The following SLC16A9 variants were observed in gnomAD, a reference collection of about 807,000 sequenced individuals.
SLC16A9 encodes monocarboxylate transporter 9.
In SLC16A9, 26 loss-of-function variants were observed where a neutral mutation model predicts 44.3. The ratio of observed to expected loss-of-function variants is 0.59; its 90% CI spans 0.43 to 0.81. The LOEUF is 0.81. SLC16A9 is among the 40% of genes least tolerant of loss of function. The pLI is 0.00. For synonymous variants in SLC16A9, 230 were observed against 225.1 expected, an observed-to-expected ratio of 1.02 and a Z score of -0.19; for missense variants, 559 against 595.8, an observed-to-expected ratio of 0.94 and a Z score of 0.64.
rs896948541 is a variant in SLC16A9, at chr10:59,692,291, A to G, written c.-36-7964T>C. On this transcript the variant is annotated intron_variant, in intron 1 of 5. Transcript: ENST00000395348. ...GGTTCCATGACCTTCCTACAGTTAC[A>G]TTTATGACACTTTAAGGCTATAAAC... 1.2e-4 allele frequency among the ~76,000 whole-genome samples: 19 copies of G among 152,288 alleles called. No individual in the cohort carries two copies. In the East Asian group the frequency reaches 2.3e-3, roughly 19 times the overall value.
intron 4 of SLC16A9, among the ~76,000 whole-genome samples, chr10:59,655,014 G>A (rs1839317584): frequency 6.6e-6 from 1 of 152,196 alleles, no homozygotes; most frequent in Non-Finnish European, 1.5e-5. Context: ...ATCATCGGCT[G>A]GGTGTGGTGG....
chr10:59,702,425 A>G (rs1840545015), intron 1 of SLC16A9, among the ~76,000 whole-genome samples: 1 of 152,150 alleles, frequency 6.6e-6, no homozygotes, highest in Non-Finnish European at 1.5e-5. Context: ...GTGGGGGCTG[A>G]CTCATTACTG....
chr10:59,690,360 G>A (rs1840226206), intron 1 of SLC16A9, among the ~76,000 whole-genome samples: 1 of 152,172 alleles, frequency 6.6e-6, no homozygotes, highest in African/African-American at 2.4e-5. Flanking sequence ...ACATGGGAAG[G>A]TGTGTCCACG....
chr10:59,662,696 G>GA (rs1203785717), intron 4 of SLC16A9, among the ~76,000 whole-genome samples: 4 of 142,178 alleles, frequency 2.8e-5, no homozygotes, highest in South Asian at 2.3e-4. Flanking sequence ...ACAAACATAT[G>GA]AAAAAAAACT....
At chr10:59,700,929 G>A (rs76932066) in intron 1 of SLC16A9, among the ~76,000 whole-genome samples, 11,776 of 152,052 alleles carry the variant, frequency 0.077, 613 homozygotes, top group South Asian at 0.14. Flanking sequence ...TCTCTCTAAC[G>A]CCACCAAGTG....
intron 1 of SLC16A9, among the ~76,000 whole-genome samples, chr10:59,700,631 G>A (rs1459784584): frequency 6.6e-6 from 1 of 152,166 alleles, no homozygotes; most frequent in African/African-American, 2.4e-5. Flanking sequence ...TAACTATTTA[G>A]TAAGTGTTCA....
chr10:59,664,306 T>A lies in SLC16A9; in HGVS notation c.357A>T (p.Leu119Phe), dbSNP rs201411395. The A allele has an allele frequency of 1.2e-6, 2 of 1,610,796 alleles. No individual in the cohort carries two copies. Among genetic ancestry groups the A allele is most frequent in the Non-Finnish European group, 1.7e-6 (2 of 1,178,088 alleles). ...TAATGGTCACTGTTGCAGTGTATAA[T>A]AAACCACATCCAAGACCTAAGCATG... The part of the protein sequence containing the change: ...YGIVVGLGCG[L>F]LYTATVTITC... Residue 119 changes from leucine to phenylalanine, a missense_variant, in exon 4 of 6, where the codon TTA becomes TTT. Coordinates refer to ENST00000395348, the MANE Select transcript of SLC16A9 (RefSeq NM_194298.3).
chr10:59,652,856 G>A lies in SLC16A9; in HGVS notation c.1446C>T (p.Ala482=), dbSNP rs201663287. 3.0e-5 allele frequency: 49 copies of A among 1,614,078 alleles called. No homozygotes were observed. Among genetic ancestry groups the A allele is most frequent in the African/African-American group, 2.4e-4 (18 of 75,042 alleles). The change falls in exon 6 of 6, where the codon GCC becomes GCT. Residue 482 remains alanine, a synonymous_variant. Transcript: ENST00000395348. ...TGTTGCATGTATCCCAAGAGGGCAA[G>A]GCTGCCAGCAGCAGAATAAAACCTC... The part of the protein sequence containing the change: ...LLGGFILLLA[A]LPSWDTCNKQ...
At chr10:59,709,376 C>G (rs1785545342) in intron 1 of SLC16A9, 103 bp downstream of exon 1, 1 of 152,482 alleles carries the variant, frequency 6.6e-6, no homozygotes, top group Non-Finnish European at 1.5e-5. Context: ...CCACCGCCCC[C>G]TCCTACTGCT....
Position 59,654,419 on chromosome 10 carries a change from CT to C in SLC16A9, c.606del (p.Ile202MetfsTer24), listed in dbSNP as rs1185618975. On this transcript the variant is annotated frameshift_variant, in exon 5 of 6. Transcript: ENST00000395348. LOFTEE classifies it high-confidence loss of function. ...QSSDCPLPKKIAPEDLPDKYS... is the reference protein window; with the variant it reads ...QSSDCPLPKKXAPEDLPDKYS... The stretch of plus-strand genomic sequence containing the variant: ...TATTTATCTGGTAGATCTTCTGGAG[CT>C]ATTTTTTTAGGCAAAGGACAATCAG... 6.2e-7 allele frequency: 1 copy of C among 1,613,628 alleles called. No individual in the cohort carries two copies. The highest frequency in any genetic ancestry group is 1.7e-5 in the Admixed American group (1 of 60,014).
At chr10:59,694,896 T>C (rs1840339464) in intron 1 of SLC16A9, among the ~76,000 whole-genome samples, 1 of 149,494 alleles carries the variant, frequency 6.7e-6, no homozygotes, top group Admixed American at 6.7e-5. Flanking sequence ...CATATATAGA[T>C]AATGGATCCA....
chr10:59,676,574 G>C (rs530777748), intron 2 of SLC16A9, among the ~76,000 whole-genome samples: 3 of 152,088 alleles, frequency 2.0e-5, no homozygotes, highest in Non-Finnish European at 2.9e-5. Context: ...GGGAAAAAAG[G>C]GGGGGAAAAA....
Position 59,696,275 on chromosome 10 carries a change from C to T in SLC16A9, c.-36-11948G>A, listed in dbSNP as rs551592128. On this transcript the variant is annotated intron_variant, in intron 1 of 5. Coordinates refer to ENST00000395348, the MANE Select transcript of SLC16A9 (RefSeq NM_194298.3). ...CGGGCCCCCACGCCTGACTGGTTTT[C>T]GTATTTTTTTGGTGGAGAGGGGGTT... 4.2e-4 allele frequency among the ~76,000 whole-genome samples: 64 copies of T among 152,330 alleles called. 1 individual carries two copies. In the South Asian group the frequency reaches 7.0e-3, roughly 17 times the overall value.
At chr10:59,707,389 C>G (rs1287910233) in intron 1 of SLC16A9, among the ~76,000 whole-genome samples, 1 of 149,822 alleles carries the variant, frequency 6.7e-6, no homozygotes, top group Non-Finnish European at 1.5e-5. Flanking sequence ...AATTGTTGAA[C>G]TCAGAGAATA....
At chr10:59,673,970 A>T (rs529728434) in intron 2 of SLC16A9, among the ~76,000 whole-genome samples, 1 of 152,370 alleles carries the variant, frequency 6.6e-6, no homozygotes, top group South Asian at 2.1e-4. Context: ...TACAGAAACA[A>T]GCAAAACTAA....
intron 2 of SLC16A9, among the ~76,000 whole-genome samples, chr10:59,675,538 A>G (rs1839839151): frequency 6.6e-6 from 1 of 152,190 alleles, no homozygotes; most frequent in Admixed American, 6.5e-5. Flanking sequence ...CTCCCAGTAG[A>G]CAGAAAACAC....
At chr10:59,683,326 T>G (rs1840063779) in intron 2 of SLC16A9, among the ~76,000 whole-genome samples, 1 of 152,194 alleles carries the variant, frequency 6.6e-6, no homozygotes, top group South Asian at 2.1e-4. Context: ...GAAGTTCAAG[T>G]GGCATATGAT....
intron 1 of SLC16A9, among the ~76,000 whole-genome samples, chr10:59,701,614 A>G (rs1840525141): frequency 6.6e-6 from 1 of 152,238 alleles, no homozygotes; most frequent in Non-Finnish European, 1.5e-5. Flanking sequence ...TTATAAAACC[A>G]TGTTGTGTTC....
At chr10:59,693,913 G>A (rs1014474886) in intron 1 of SLC16A9, among the ~76,000 whole-genome samples, 2 of 144,926 alleles carry the variant, frequency 1.4e-5, no homozygotes, top group Admixed American at 1.4e-4. Flanking sequence ...CACTGCACCC[G>A]GCCTTTTAAT....
Sources: allele counts gnomAD v4.1 joint callset (sites outside exome capture counted in the v4.1 genomes callset), GRCh38; gene constraint gnomAD v4.1.1; transcripts MANE v1.5; gene names NCBI Gene and HGNC (gene_info 2026-07-23, HGNC 2026-07-21).